The following IL6R variants were observed in gnomAD, a reference collection of about 807,000 sequenced individuals.
IL6R encodes the protein interleukin-6 receptor subunit alpha.
In IL6R, 38 loss-of-function variants were observed where a neutral mutation model predicts 48.3. That is an observed-to-expected ratio of 0.79 (90% CI 0.61 to 1.03). The LOEUF is 1.03. Among genes scored for constraint, IL6R ranks in the 50% least tolerant of loss-of-function variants. The probability of loss-of-function intolerance (pLI) is 0.00; values close to 1 mark genes in which losing one functional copy is unlikely to be tolerated. For synonymous variants in IL6R, 264 were observed against 256.2 expected (o/e 1.03, Z -0.29); for missense variants, 534 against 618.3 (o/e 0.86, Z 1.45).
rs1452129522 is a variant in IL6R at position 154,467,831 on chromosome 1, C to G, written c.*2451C>G. 6.6e-6 allele frequency: 1 copy of G among 152,156 alleles called. No individual in the cohort carries two copies. The highest frequency in any genetic ancestry group is 1.5e-5 in the Non-Finnish European group (1 of 68,030). The allele number at this position is 152,156 out of a possible 1,614,324, so 9.4% of individuals were successfully genotyped here. Reference sequence around the variant, plus strand: ...ACATAAAGTTTCTGAGACTTGAGAACAGCAAAATGCTGTTAAAGGGAAATA... The same window carrying G: ...ACATAAAGTTTCTGAGACTTGAGAAGAGCAAAATGCTGTTAAAGGGAAATA... On this transcript the variant is annotated 3_prime_UTR_variant, in exon 10 of 10. Coordinates refer to ENST00000368485, the MANE Select transcript of IL6R (RefSeq NM_000565.4).
At chr1:154,415,153 G>A in intron 1 of IL6R, 2 of 831,582 alleles carry the variant, frequency 2.4e-6, no homozygotes, top group Non-Finnish European at 4.0e-6. Flanking sequence ...TCAGCCTGCA[G>A]GACAGGGCCC....
intron 9 of IL6R, among the ~76,000 whole-genome samples, chr1:154,455,919 T>C (rs150182519): frequency 1.9e-3 from 291 of 152,024 alleles, no homozygotes; most frequent in African/African-American, 6.8e-3. Context: ...TTGCTGGGCA[T>C]GGTAGTGCTT....
chr1:154,465,674 T>C lies in IL6R; in HGVS notation c.*294T>C. On this transcript the variant is annotated 3_prime_UTR_variant, in exon 10 of 10. Transcript: ENST00000368485. Reference sequence around the variant, plus strand: ...ACTCTTTGGACACTCACACGGACACTCAAAAGCTGGGCAGGTTGGTGGGGG... The same window carrying C: ...ACTCTTTGGACACTCACACGGACACCCAAAAGCTGGGCAGGTTGGTGGGGG... The C allele has an allele frequency of 2.6e-6, 1 of 380,466 alleles. No individual in the cohort carries two copies. The highest frequency in any genetic ancestry group is 4.9e-6 in the Non-Finnish European group (1 of 203,604). 23.6% of individuals were successfully genotyped at this position (380,466 alleles called of 1,614,324 possible).
intron 6 of IL6R, among the ~76,000 whole-genome samples, chr1:154,446,409 A>G (rs2149258685): frequency 6.6e-6 from 1 of 152,294 alleles, no homozygotes; most frequent in African/African-American, 2.4e-5. Context: ...CTGACGCCGA[A>G]GCAGGGTCAC....
In IL6R at chr1:154,406,960, G is replaced by T. The variant is rs958125407; in HGVS notation, c.85+1246G>T. Among the ~76,000 whole-genome samples the T allele has an allele frequency of 2.0e-4, 31 of 152,342 alleles. 1 individual carries two copies. Among genetic ancestry groups the T allele is most frequent in the African/African-American group, 7.5e-4 (31 of 41,578 alleles). ...GAAAGAGGAGACTGAGGTTCAGGGA[G>T]GTTGGGATGGCGGGATGGCAGGTTG... is the stretch of plus-strand genomic sequence containing the variant. On this transcript the variant is annotated intron_variant, in intron 1 of 9. Coordinates refer to ENST00000368485, the MANE Select transcript of IL6R (RefSeq NM_000565.4).
intron 1 of IL6R, among the ~76,000 whole-genome samples, chr1:154,417,046 T>C (rs1185917628): frequency 6.6e-6 from 1 of 152,096 alleles, no homozygotes; most frequent in Non-Finnish European, 1.5e-5. Flanking sequence ...CTGGGGGGTC[T>C]GTAGATATGG....
chr1:154,414,432 T>G, intron 1 of IL6R: 1 of 1,363,582 alleles, frequency 7.3e-7, no homozygotes, highest in African/African-American at 1.4e-5. Flanking sequence ...GAGGGAATGG[T>G]AGTGTCTTCT....
intron 6 of IL6R, among the ~76,000 whole-genome samples, chr1:154,436,325 A>C (rs1689628879): frequency 6.6e-6 from 1 of 152,114 alleles, no homozygotes; most frequent in South Asian, 2.1e-4. Flanking sequence ...AAAAATACAA[A>C]AAATTAGCTG....
At position 154,435,087 on chromosome 1, in the gene IL6R, A is replaced by G; in HGVS notation, c.738A>G (p.Ser246=). Residue 246 remains serine (S), a synonymous_variant, in exon 5 of 10, where the codon TCA becomes TCG. Transcript: ENST00000368485. ...GGCAAGACCCCCACTCCTGGAACTC[A>G]TCTTTCTACAGACTACGGTTTGAGC... ...VTWQDPHSWN[S]SFYRLRFELR... 1 of 1,614,116 alleles carries G rather than the reference A, an allele frequency of 6.2e-7. No individual in the cohort carries two copies. Among genetic ancestry groups the G allele is most frequent in the East Asian group, 2.2e-5 (1 of 44,880 alleles).
chr1:154,420,671 G>C (rs1268866048), intron 1 of IL6R, among the ~76,000 whole-genome samples: 1 of 151,666 alleles, frequency 6.6e-6, no homozygotes, highest in African/African-American at 2.4e-5. Flanking sequence ...GAGTAGCTGG[G>C]ATTACAGGCA....
In IL6R at chr1:154,466,206, G is replaced by A. The variant is rs1214355136; in HGVS notation, c.*826G>A. On this transcript the variant is annotated 3_prime_UTR_variant, in exon 10 of 10. Coordinates refer to ENST00000368485, the MANE Select transcript of IL6R (RefSeq NM_000565.4). ...CCTGTAGAGTGGGAGCTGAGTGGGGGATCACAGCCTCTGAAAACCAATGTT... is the reference window on the plus strand; with the variant it reads ...CCTGTAGAGTGGGAGCTGAGTGGGGAATCACAGCCTCTGAAAACCAATGTT... The A allele has an allele frequency of 6.6e-6, 1 of 152,332 alleles. No individual in the cohort carries two copies. Among genetic ancestry groups the A allele is most frequent in the South Asian group, 2.1e-4 (1 of 4,826 alleles). 9.4% of individuals were successfully genotyped at this position (152,332 alleles called of 1,614,324 possible).
chr1:154,436,188 T>C, intron 6 of IL6R, 78 bp downstream of exon 6: 1 of 1,486,508 alleles, frequency 6.7e-7, no homozygotes, highest in Middle Eastern at 1.8e-4. Flanking sequence ...TGTGACAAGT[T>C]GCCTCAAAAC....
chr1:154,429,890 A>G (rs1174646667), intron 2 of IL6R, among the ~76,000 whole-genome samples: 3 of 152,148 alleles, frequency 2.0e-5, no homozygotes, highest in Non-Finnish European at 4.4e-5. Context: ...AAAAGTCTGC[A>G]TAGCCCATCC....
At chr1:154,442,907 T>C (rs976647068) in intron 6 of IL6R, among the ~76,000 whole-genome samples, 1 of 152,056 alleles carries the variant, frequency 6.6e-6, no homozygotes, top group African/African-American at 2.4e-5. Context: ...GCTAGGACTA[T>C]AGGCATGCAT....
Position 154,454,641 on chromosome 1 carries a change from T to A in IL6R, c.1160+60T>A, listed in dbSNP as rs1690772338. On this transcript the variant is annotated intron_variant, in intron 9 of 9. Coordinates refer to ENST00000368485, the MANE Select transcript of IL6R (RefSeq NM_000565.4). ...TCTCATATTTCTTATCTAGCTTTCC[T>A]TTGCCCATTCTGAAATTTATGGTGC... 1.4e-5 allele frequency: 17 copies of A among 1,173,336 alleles called. No homozygotes were observed. The South Asian group carries it at 2.0e-4, about 14-fold the overall frequency. The allele number at this position is 1,173,336 out of a possible 1,614,324, so 72.7% of individuals were successfully genotyped here.
At chr1:154,414,761 C>A in intron 1 of IL6R, 1 of 772,860 alleles carries the variant, frequency 1.3e-6, no homozygotes. Context: ...GTCTGGATGT[C>A]CTTGGCAGGC....
rs190779967 is a variant in IL6R at position 154,460,223 on chromosome 1, C to G, written c.1161-4911C>G. ...GTGCAAAAGAAGGCAGCAGAGAGCT[C>G]ATCTGTTTCTTCTTTCTGCCCACCC... On this transcript the variant is annotated intron_variant, in intron 9 of 9. Transcript: ENST00000368485. Among the ~76,000 whole-genome samples, 4 of 152,292 alleles carry G rather than the reference C, an allele frequency of 2.6e-5. No individual in the cohort carries two copies. In the East Asian group the frequency reaches 7.7e-4, roughly 29 times the overall value.
intron 1 of IL6R, among the ~76,000 whole-genome samples, chr1:154,420,593 A>G (rs1688605799): frequency 1.3e-5 from 2 of 151,676 alleles, no homozygotes; most frequent in South Asian, 2.1e-4. Flanking sequence ...ATCTCAGCTC[A>G]CTGCAGCCTT....
chr1:154,407,568 G>T (rs2149199811), intron 1 of IL6R, among the ~76,000 whole-genome samples: 1 of 152,318 alleles, frequency 6.6e-6, no homozygotes, highest in East Asian at 1.9e-4. Flanking sequence ...CCACAAACTG[G>T]AGAGTAAAAA....
Sources: gnomAD v4.1 joint callset for allele counts (sites outside exome capture counted in the v4.1 genomes callset) on GRCh38, gnomAD v4.1.1 for gene constraint, MANE v1.5 for transcripts, NCBI Gene and HGNC (gene_info 2026-07-23, HGNC 2026-07-21) for gene names.